ABCE1: variants seen among roughly 807,000 people sequenced by gnomAD.
The protein encoded by ABCE1 is ATP-binding cassette sub-family E member 1.
A neutral mutation model predicts 83.4 loss-of-function variants in ABCE1; 22 were observed. That is an observed-to-expected ratio of 0.26 (90% CI 0.19 to 0.38). The LOEUF (loss-of-function observed/expected upper bound fraction) is 0.38, where lower values mean the gene tolerates loss of function less well. ABCE1 is among the 10% of genes least tolerant of loss of function. The pLI, the probability that ABCE1 is intolerant of heterozygous loss-of-function variation, is 1.00. For synonymous variants in ABCE1, 204 were observed against 233.7 expected, an observed-to-expected ratio of 0.87 and a Z score of 1.16; for missense variants, 330 against 721.9, an observed-to-expected ratio of 0.46 and a Z score of 6.22.
chr4:145,099,948 G>A (rs955661654), intron 1 of ABCE1, among the ~76,000 whole-genome samples: 8 of 152,102 alleles, frequency 5.3e-5, no homozygotes, highest in African/African-American at 1.9e-4. Context: ...TTCTTTGTTT[G>A]CAGGAGCCTG....
chr4:145,120,223 T>C, intron 11 of ABCE1, 70 bp downstream of exon 11: 1 of 1,350,888 alleles, frequency 7.4e-7, no homozygotes, highest in African/African-American at 1.5e-5. Flanking sequence ...AACTGTTTTG[T>C]GGAAAAATTT....
In ABCE1 at chr4:145,123,562, T is replaced by C. The variant is rs751869755; in HGVS notation, c.1602T>C (p.Val534=). ...MATYLADRVI[V]FDGVPSKNTV... The stretch of plus-strand genomic sequence containing the variant: ...CCTATCTAGCGGATCGCGTCATCGT[T>C]TTTGATGGTGTTCCATCTAAGAACA... Residue 534 remains valine, a synonymous_variant, in exon 16 of 18, where the codon GTT becomes GTC. Transcript: ENST00000296577. The C allele has an allele frequency of 6.2e-7, 1 of 1,606,338 alleles. No individual in the cohort carries two copies. The highest frequency in any genetic ancestry group is 8.5e-7 in the Non-Finnish European group (1 of 1,173,464).
At chr4:145,111,350 GTC>G (rs1330758269) in intron 8 of ABCE1, among the ~76,000 whole-genome samples, 3 of 152,086 alleles carry the variant, frequency 2.0e-5, no homozygotes, top group African/African-American at 7.2e-5. Flanking sequence ...TTGAGACGGA[GTC>G]TCGCTGTGTT....
intron 9 of ABCE1, among the ~76,000 whole-genome samples, chr4:145,112,611 TTCTC>T (rs964472234): frequency 1.1e-4 from 16 of 152,106 alleles, no homozygotes; most frequent in Admixed American, 5.2e-4. Context: ...AGCTATCTTT[TTCTC>T]TCTCTCTGTC....
chr4:145,109,327 T>G, intron 5 of ABCE1, 78 bp downstream of exon 5: 1 of 706,380 alleles, frequency 1.4e-6, no homozygotes, highest in Non-Finnish European at 2.2e-6. Context: ...TGTATATTTT[T>G]AAAATATTCT....
In ABCE1 at chr4:145,127,824, A is replaced by G; in HGVS notation, c.*251A>G. 1 of 315,996 alleles carries G rather than the reference A, an allele frequency of 3.2e-6. No individual in the cohort carries two copies. The allele number at this position is 315,996 out of a possible 1,614,324, so 19.6% of individuals were successfully genotyped here. On this transcript the variant is annotated 3_prime_UTR_variant, in exon 18 of 18. Coordinates refer to ENST00000296577, the MANE Select transcript of ABCE1 (RefSeq NM_002940.3). Reference sequence around the variant, plus strand: ...AAATGAAGACATTTCAAGCTATACAAATTACTTCCAAGTTTTCATGATGTA... The same window carrying G: ...AAATGAAGACATTTCAAGCTATACAGATTACTTCCAAGTTTTCATGATGTA...
intron 17 of ABCE1, 83 bp downstream of exon 17, chr4:145,125,184 T>G: frequency 9.6e-7 from 1 of 1,037,760 alleles, no homozygotes; most frequent in East Asian, 2.5e-5. Flanking sequence ...CAATAACATA[T>G]GGCTGGGCAC....
chr4:145,122,739 A>T (rs994201176), intron 13 of ABCE1: 3 of 220,554 alleles, frequency 1.4e-5, no homozygotes, highest in Non-Finnish European at 2.7e-5. Flanking sequence ...TGAGCTTGGG[A>T]GGTTGATGCT....
intron 10 of ABCE1, among the ~76,000 whole-genome samples, chr4:145,119,384 G>C (rs1233731859): frequency 6.6e-6 from 1 of 151,764 alleles, no homozygotes; most frequent in Non-Finnish European, 1.5e-5. Context: ...TTTAGATAAT[G>C]GTTGTTATCT....
chr4:145,107,840 A>G (rs1470419047), intron 3 of ABCE1, among the ~76,000 whole-genome samples, 175 bp from the exon 4 acceptor site: 2 of 152,210 alleles, frequency 1.3e-5, no homozygotes, highest in African/African-American at 4.8e-5. Flanking sequence ...ATATAATTCT[A>G]ATGTTCAAGG....
In ABCE1 at chr4:145,108,000, T is replaced by TA; in HGVS notation, c.190-14dup. On this transcript the variant is annotated splice_polypyrimidine_tract_variant and intron_variant, in intron 3 of 17. Coordinates refer to ENST00000296577, the MANE Select transcript of ABCE1 (RefSeq NM_002940.3). ...CAAATTAATACAAAAATTAATTCTT[T>TA]ACTTTAAATAACAGAAATGCCCCTT... The TA allele has an allele frequency of 6.3e-7, 1 of 1,595,416 alleles. No individual in the cohort carries two copies. The highest frequency in any genetic ancestry group is 8.5e-7 in the Non-Finnish European group (1 of 1,171,390).
Position 145,124,627 on chromosome 4 carries a change from CTT to C in ABCE1, c.1641-359_1641-358del, listed in dbSNP as rs1749828265. 2.0e-5 allele frequency among the ~76,000 whole-genome samples: 3 copies of C among 152,070 alleles called. No homozygotes were observed. In the South Asian group the frequency reaches 6.2e-4, roughly 32 times the overall value. On this transcript the variant is annotated intron_variant, in intron 16 of 17. Coordinates refer to ENST00000296577, the MANE Select transcript of ABCE1 (RefSeq NM_002940.3). ...TAACAAATTTTTCATATAAATATAA[CTT>C]TTTAAGATTCTCATCCCCCCTAAAA...
chr4:145,112,684 A>G (rs187148890), intron 9 of ABCE1, among the ~76,000 whole-genome samples: 4 of 152,302 alleles, frequency 2.6e-5, no homozygotes, highest in Admixed American at 1.3e-4. Context: ...AAGAATCACT[A>G]GAGTAATTCT....
In ABCE1 at chr4:145,127,970, A is replaced by C. The variant is rs1041303282; in HGVS notation, c.*397A>C. 1 of 155,322 alleles carries C rather than the reference A, an allele frequency of 6.4e-6. No homozygotes were observed. The highest frequency in any genetic ancestry group is 2.4e-5 in the African/African-American group (1 of 41,488). 9.6% of individuals were successfully genotyped at this position (155,322 alleles called of 1,614,324 possible). A position where few individuals can be genotyped will look rare whatever the true frequency, so the allele number is the denominator to read the frequency against. On this transcript the variant is annotated 3_prime_UTR_variant, in exon 18 of 18. Coordinates refer to ENST00000296577, the MANE Select transcript of ABCE1 (RefSeq NM_002940.3). The stretch of plus-strand genomic sequence containing the variant: ...CCTGGTTTGCCAAGTATGCCAGTGT[A>C]ATGAAACTGCCCTTATTTTAAAAGC...
chr4:145,101,233 A>G (rs563637634), intron 1 of ABCE1, among the ~76,000 whole-genome samples: 76 of 152,280 alleles, frequency 5.0e-4, no homozygotes, highest in African/African-American at 1.8e-3. Flanking sequence ...GATTGAAAGG[A>G]GTAAGCCATG....
At chr4:145,121,436 A>C (rs1346870066) in intron 13 of ABCE1, 45 bp downstream of exon 13, 8 of 1,375,698 alleles carry the variant, frequency 5.8e-6, no homozygotes, top group Non-Finnish European at 8.2e-6. Context: ...AATTTTGTAT[A>C]TATGCCTATA....
At chr4:145,104,751 T>C (rs1401227319) in intron 2 of ABCE1, among the ~76,000 whole-genome samples, 1 of 151,882 alleles carries the variant, frequency 6.6e-6, no homozygotes, top group Non-Finnish European at 1.5e-5. Context: ...TAAAAGTGTA[T>C]TGGATGTGAA....
chr4:145,118,483 T>C (rs1412641755), intron 10 of ABCE1, among the ~76,000 whole-genome samples: 1 of 151,790 alleles, frequency 6.6e-6, no homozygotes, highest in Non-Finnish European at 1.5e-5. Context: ...TACCTAGTTT[T>C]CTTGCCAGTA....
intron 5 of ABCE1, 71 bp downstream of exon 5, chr4:145,109,320 A>G: frequency 1.5e-5 from 12 of 776,278 alleles, no homozygotes; most frequent in Non-Finnish European, 1.0e-5. Context: ...GATGATATGT[A>G]TATTTTTAAA....
Sources: gnomAD v4.1 joint callset for allele counts (sites outside exome capture counted in the v4.1 genomes callset) on GRCh38, gnomAD v4.1.1 for gene constraint, MANE v1.5 for transcripts, NCBI Gene and HGNC (gene_info 2026-07-23, HGNC 2026-07-21) for gene names.